Variants in CACNG2 observed in about 807,000 individuals in gnomAD.
CACNG2 encodes the protein voltage-dependent calcium channel gamma-2 subunit.
Under a neutral mutation model 25.9 loss-of-function variants are expected in CACNG2, and 3 were observed. That is an observed-to-expected ratio of 0.12 (90% CI 0.05 to 0.30). The LOEUF is 0.30. Ranked by LOEUF, CACNG2 falls within the 10% of genes least tolerant of loss-of-function variation. CACNG2 has a pLI of 1.00. For missense variants in CACNG2, 341 were observed against 432.5 expected (o/e 0.79, Z 1.88); for synonymous variants, 167 against 173.3 (o/e 0.96, Z 0.29).
At chr22:36,576,566 G>C (rs1603500539) in intron 2 of CACNG2, among the ~76,000 whole-genome samples, 1 of 67,438 alleles carries the variant, frequency 1.5e-5, no homozygotes, top group African/African-American at 5.8e-5. Context: ...AAATGCCTCT[G>C]TGTGTGCGTG....
chr22:36,692,110 T>A (rs1452216002), intron 1 of CACNG2, among the ~76,000 whole-genome samples: 1 of 152,156 alleles, frequency 6.6e-6, no homozygotes, highest in African/African-American at 2.4e-5. Context: ...CAGTGGCTGG[T>A]CTCCAGTGAG....
chr22:36,693,819 A>C (rs1601460140), intron 1 of CACNG2, among the ~76,000 whole-genome samples: 1 of 152,236 alleles, frequency 6.6e-6, no homozygotes, highest in South Asian at 2.1e-4. Context: ...CCTCCCTGGC[A>C]TCCCTTCCTC....
At chr22:36,618,752 C>G (rs1360861702) in intron 1 of CACNG2, among the ~76,000 whole-genome samples, 1 of 152,060 alleles carries the variant, frequency 6.6e-6, no homozygotes, top group African/African-American at 2.4e-5. Flanking sequence ...AACCCCGTCT[C>G]TACTAAAAAT....
At chr22:36,602,738 G>A (rs997331378) in intron 1 of CACNG2, among the ~76,000 whole-genome samples, 6 of 152,158 alleles carry the variant, frequency 3.9e-5, no homozygotes, top group African/African-American at 1.4e-4. Context: ...CAGTGATCTT[G>A]GATGTTACCA....
At chr22:36,679,142 C>G (rs1386410131) in intron 1 of CACNG2, among the ~76,000 whole-genome samples, 1 of 40,224 alleles carries the variant, frequency 2.5e-5, no homozygotes, top group African/African-American at 8.6e-5. Flanking sequence ...TTCTCCCTTC[C>G]TTCCTTCCTT....
intron 2 of CACNG2, among the ~76,000 whole-genome samples, chr22:36,570,195 G>T (rs2267339): frequency 0.35 from 52,784 of 152,104 alleles, 9,266 homozygotes; most frequent in Admixed American, 0.37. Context: ...CGTCGGCTGC[G>T]GAGGGAGCTG....
intron 1 of CACNG2, among the ~76,000 whole-genome samples, chr22:36,669,651 G>A (rs551298694): frequency 6.6e-6 from 1 of 152,112 alleles, no homozygotes; most frequent in African/African-American, 2.4e-5. Flanking sequence ...GCTCATGTCA[G>A]CACTCTCTTT....
At chr22:36,579,490 C>T (rs1019298005) in intron 2 of CACNG2, among the ~76,000 whole-genome samples, 3 of 150,330 alleles carry the variant, frequency 2.0e-5, no homozygotes, top group African/African-American at 7.3e-5. Context: ...CACCTCTCCA[C>T]TACCGGGCCC....
chr22:36,660,056 G>A (rs1936767444), intron 1 of CACNG2, among the ~76,000 whole-genome samples: 1 of 152,204 alleles, frequency 6.6e-6, no homozygotes. Flanking sequence ...CCTGGTACCC[G>A]CACAAGCCGG....
chr22:36,637,241 T>A (rs770248606), intron 1 of CACNG2, among the ~76,000 whole-genome samples: 2 of 152,210 alleles, frequency 1.3e-5, no homozygotes, highest in Non-Finnish European at 2.9e-5. Flanking sequence ...TTGACTTGTG[T>A]CCTGGGCTTC....
intron 1 of CACNG2, among the ~76,000 whole-genome samples, chr22:36,641,976 G>T (rs957731951): frequency 6.6e-6 from 1 of 152,210 alleles, no homozygotes; most frequent in Non-Finnish European, 1.5e-5. Context: ...GACCAGAGCT[G>T]GGAGAGCTCC....
intron 1 of CACNG2, among the ~76,000 whole-genome samples, chr22:36,680,475 CTT>C (rs935473668): frequency 1.3e-5 from 2 of 150,378 alleles, no homozygotes; most frequent in African/African-American, 4.9e-5. Flanking sequence ...TCACCACCAT[CTT>C]TATCACAGTC....
At chr22:36,649,209 G>A (rs1008897964) in intron 1 of CACNG2, among the ~76,000 whole-genome samples, 3 of 152,164 alleles carry the variant, frequency 2.0e-5, no homozygotes, top group African/African-American at 4.8e-5. Context: ...TCCTTCCAGA[G>A]GCACAGACCA....
At chr22:36,650,855 T>A (rs1936601055) in intron 1 of CACNG2, among the ~76,000 whole-genome samples, 1 of 152,228 alleles carries the variant, frequency 6.6e-6, no homozygotes, top group African/African-American at 2.4e-5. Flanking sequence ...GGCACACTCC[T>A]GCCTCGGGGC....
At chr22:36,625,444 C>T (rs1182896132) in intron 1 of CACNG2, among the ~76,000 whole-genome samples, 1 of 152,208 alleles carries the variant, frequency 6.6e-6, no homozygotes, top group African/African-American at 2.4e-5. Flanking sequence ...GGGCAGGGCA[C>T]TGCTACCCCT....
intron 1 of CACNG2, among the ~76,000 whole-genome samples, chr22:36,676,042 C>T (rs1384381097): frequency 2.0e-5 from 3 of 152,114 alleles, no homozygotes; most frequent in Non-Finnish European, 2.9e-5. Context: ...ATGTTTATAC[C>T]GGTCACACCT....
intron 1 of CACNG2, among the ~76,000 whole-genome samples, chr22:36,693,504 C>T (rs1236081475): frequency 1.3e-5 from 2 of 152,178 alleles, no homozygotes; most frequent in South Asian, 2.1e-4. Flanking sequence ...CCCTCAACAA[C>T]CAGTGACCTA....
At chr22:36,683,411 G>C (rs536470713) in intron 1 of CACNG2, among the ~76,000 whole-genome samples, 2 of 152,158 alleles carry the variant, frequency 1.3e-5, no homozygotes, top group Non-Finnish European at 2.9e-5. Flanking sequence ...AGTCAGGAAG[G>C]AAATGCCTGC....
At chr22:36,684,493 G>C (rs1042769962) in intron 1 of CACNG2, among the ~76,000 whole-genome samples, 2 of 151,838 alleles carry the variant, frequency 1.3e-5, no homozygotes, top group African/African-American at 4.8e-5. Flanking sequence ...GTGCACCCCT[G>C]TAGTCTCAGC....
Sources: allele counts gnomAD v4.1 joint callset (sites outside exome capture counted in the v4.1 genomes callset), GRCh38; gene constraint gnomAD v4.1.1; transcripts MANE v1.5; gene names NCBI Gene and HGNC (gene_info 2026-07-23, HGNC 2026-07-21).